The following ARMC2 variants were observed in gnomAD, a reference collection of about 807,000 sequenced individuals.
ARMC2 encodes armadillo repeat containing 2.
ARMC2 carries 67 observed loss-of-function variants against 90.3 expected under a neutral mutation model. The ratio of observed to expected loss-of-function variants is 0.74; its 90% confidence interval spans 0.61 to 0.91. The LOEUF (loss-of-function observed/expected upper bound fraction) is 0.91, where lower values mean the gene tolerates loss of function less well. Ranked by LOEUF, ARMC2 falls within the 40% of genes least tolerant of loss-of-function variation. ARMC2 has a pLI of 0.00. For synonymous variants in ARMC2, 393 were observed against 393.0 expected (o/e 1.00, Z 0.00); for missense variants, 920 against 1,030.9 (o/e 0.89, Z 1.47).
At chr6:108,956,024 G>A (rs1360184028) in intron 13 of ARMC2, among the ~76,000 whole-genome samples, 2 of 152,174 alleles carry the variant, frequency 1.3e-5, no homozygotes, top group Non-Finnish European at 2.9e-5. Flanking sequence ...TGAGCCTTTT[G>A]CCCATTAAGT....
At chr6:108,973,268 G>A in intron 17 of ARMC2, 89 bp from the exon 18 acceptor site, 1 of 1,130,676 alleles carries the variant, frequency 8.8e-7, no homozygotes, top group Non-Finnish European at 1.2e-6. Context: ...ACGACCCAGG[G>A]TGAGTTTAAC....
At chr6:109,009,202 G>C in the ARMC2 span, among the ~76,000 whole-genome samples, 1 of 152,162 alleles carries the variant, frequency 6.6e-6, no homozygotes, top group Non-Finnish European at 1.5e-5. Context: ...CCGGGACGCT[G>C]CTCCCCGGGA....
intron 17 of ARMC2, 75 bp from the exon 18 acceptor site, chr6:108,973,282 T>C: frequency 7.6e-7 from 1 of 1,317,614 alleles, no homozygotes; most frequent in Middle Eastern, 1.9e-4. Flanking sequence ...GTTTAACTCA[T>C]ATCATCAAAA....
intron 13 of ARMC2, 139 bp downstream of exon 13, chr6:108,953,490 A>G: frequency 1.2e-6 from 1 of 831,820 alleles, no homozygotes; most frequent in Non-Finnish European, 1.8e-6. Context: ...GTATGAAGGA[A>G]ATTCCCTCTT....
intron 15 of ARMC2, among the ~76,000 whole-genome samples, chr6:108,963,488 C>T (rs1440465835): frequency 6.6e-6 from 1 of 152,184 alleles, no homozygotes. Context: ...GTTAACAGGG[C>T]CGGGGCTAGA....
At chr6:108,986,769 C>CT in the ARMC2 span, 1 of 152,240 alleles carries the variant, frequency 6.6e-6, no homozygotes, top group Non-Finnish European at 1.5e-5. Flanking sequence ...CACAAGACAG[C>CT]TGCCCTCCAG....
At position 108,854,426 on chromosome 6, in the gene ARMC2, A is replaced by G. The variant is rs1202337343; in HGVS notation, c.159A>G (p.Arg53=). Residue 53 remains arginine, a synonymous_variant, in exon 2 of 18, where the codon AGA becomes AGG. Transcript: ENST00000392644. ...QRPFTPQEAQ[R]KLFGPASSRT... ...CATTTACACCACAGGAGGCTCAAAG[A>G]AAACTATTCGGACCTGCATCCTCAA... 10 of 1,613,586 alleles carry G rather than the reference A, an allele frequency of 6.2e-6. No individual in the cohort carries two copies. The highest frequency in any genetic ancestry group is 8.5e-6 in the Non-Finnish European group (10 of 1,179,846).
intron 17 of ARMC2, among the ~76,000 whole-genome samples, chr6:108,970,133 A>G (rs949689755): frequency 6.6e-6 from 1 of 152,186 alleles, no homozygotes; most frequent in Non-Finnish European, 1.5e-5. Context: ...CCCATGTGAT[A>G]TGGCACTTTT....
intron 2 of ARMC2, 92 bp downstream of exon 2, chr6:108,854,577 AG>A: frequency 7.7e-7 from 1 of 1,301,002 alleles, no homozygotes; most frequent in Non-Finnish European, 1.1e-6. Flanking sequence ...TTTTAAAAAT[AG>A]ACTTATTTTT....
At chr6:108,924,812 A>T (rs1036499282) in intron 10 of ARMC2, among the ~76,000 whole-genome samples, 1 of 152,174 alleles carries the variant, frequency 6.6e-6, no homozygotes. Flanking sequence ...GTGAGCAGCT[A>T]TGGGGGCAAA....
intron 10 of ARMC2, among the ~76,000 whole-genome samples, chr6:108,919,021 G>A (rs1316344358): frequency 6.6e-6 from 1 of 152,214 alleles, no homozygotes; most frequent in African/African-American, 2.4e-5. Flanking sequence ...GAGCACCAAA[G>A]AGAAACTAAA....
intron 12 of ARMC2, among the ~76,000 whole-genome samples, chr6:108,949,224 T>C (rs1777011496): frequency 6.6e-6 from 1 of 152,180 alleles, no homozygotes; most frequent in African/African-American, 2.4e-5. Context: ...TCCAGGAACA[T>C]GGTGAAGTCC....
chr6:108,871,045 C>T (rs2768540), intron 4 of ARMC2, among the ~76,000 whole-genome samples: 1 of 151,976 alleles, frequency 6.6e-6, no homozygotes, highest in South Asian at 2.1e-4. Context: ...TAGGAAGGTG[C>T]CTCATGAGAA....
At chr6:109,025,721 T>G in the ARMC2 span, among the ~76,000 whole-genome samples, 2 of 152,104 alleles carry the variant, frequency 1.3e-5, no homozygotes, top group Non-Finnish European at 2.9e-5. Context: ...ATACTCAGTA[T>G]AGCTGAAAAT....
chr6:108,894,456 A>G lies in ARMC2; in HGVS notation c.672-11A>G. On this transcript the variant is annotated splice_polypyrimidine_tract_variant and intron_variant, in intron 5 of 17. Coordinates refer to ENST00000392644, the MANE Select transcript of ARMC2 (RefSeq NM_032131.6). ...CATGTTTGCGCTGAGTGTTTTATGTATTCCTCCTAGGGACCAGGGGAAGAG... is the reference window on the plus strand; with the variant it reads ...CATGTTTGCGCTGAGTGTTTTATGTGTTCCTCCTAGGGACCAGGGGAAGAG... The G allele has an allele frequency of 1.2e-6, 2 of 1,605,228 alleles. No homozygotes were observed. Among genetic ancestry groups the G allele is most frequent in the Non-Finnish European group, 1.7e-6 (2 of 1,176,828 alleles).
chr6:108,961,124 G>C (rs955777186), intron 13 of ARMC2, among the ~76,000 whole-genome samples: 1 of 152,212 alleles, frequency 6.6e-6, no homozygotes, highest in Admixed American at 6.5e-5. Context: ...AGAGTTCGTA[G>C]TCACAGACGG....
the ARMC2 span, among the ~76,000 whole-genome samples, chr6:109,030,035 T>C: frequency 1.3e-5 from 2 of 152,140 alleles, no homozygotes; most frequent in African/African-American, 4.8e-5. Flanking sequence ...CTGCACCCAA[T>C]ATAAGTGGCA....
chr6:108,975,799 TC>T (rs1778973993), downstream of ARMC2, among the ~76,000 whole-genome samples: 1 of 152,258 alleles, frequency 6.6e-6, no homozygotes, highest in Non-Finnish European at 1.5e-5. Flanking sequence ...ATAAATGTCT[TC>T]TTTTGAGAAG....
chr6:108,855,814 T>A (rs987325792), intron 2 of ARMC2, among the ~76,000 whole-genome samples: 1 of 152,210 alleles, frequency 6.6e-6, no homozygotes, highest in Non-Finnish European at 1.5e-5. Flanking sequence ...ACATGTGATG[T>A]GGAGCATCTT....
Sources: gnomAD v4.1 joint callset for allele counts (sites outside exome capture counted in the v4.1 genomes callset) on GRCh38, gnomAD v4.1.1 for gene constraint, MANE v1.5 for transcripts, NCBI Gene and HGNC (gene_info 2026-07-23, HGNC 2026-07-21) for gene names.